The following C6 variants were observed in gnomAD, a reference collection of about 807,000 sequenced individuals.
C6 encodes complement C6.
In C6, 101 loss-of-function variants were observed where a neutral mutation model predicts 112.9. That is an observed-to-expected ratio of 0.89 (90% CI 0.76 to 1.06). The LOEUF (loss-of-function observed/expected upper bound fraction) is 1.06. Among genes scored for constraint, C6 ranks in the 50% least tolerant of loss-of-function variants. The probability of loss-of-function intolerance (pLI) is 0.00; values close to 1 mark genes in which losing one functional copy is unlikely to be tolerated. For synonymous variants in C6, 431 were observed against 384.1 expected (o/e 1.12, Z -1.43); for missense variants, 1,202 against 1,104.6 (o/e 1.09, Z -1.25).
chr5:41,255,202 A>C (rs2150442676), intron 1 of C6, among the ~76,000 whole-genome samples: 1 of 152,160 alleles, frequency 6.6e-6, no homozygotes, highest in South Asian at 2.1e-4. Flanking sequence ...CTCTACTAAA[A>C]ATACAAAAAT....
At chr5:41,214,484 A>G (rs1428927958), upstream of C6, among the ~76,000 whole-genome samples, 1 of 152,114 alleles carries the variant, frequency 6.6e-6, no homozygotes, top group Admixed American at 6.6e-5. Flanking sequence ...AATACAGATG[A>G]TCTGATTTCC....
In C6 at chr5:41,191,387, G is replaced by A. The variant is rs191006342; in HGVS notation, c.587+4405C>T. Among the ~76,000 whole-genome samples, 123 of 152,122 alleles carry A rather than the reference G, an allele frequency of 8.1e-4. 1 individual carries two copies. Among genetic ancestry groups the A allele is most frequent in the Admixed American group, 1.8e-3 (28 of 15,286 alleles). The stretch of plus-strand genomic sequence containing the variant: ...TGTTCTTTTTGCTCAAGATTGCTTT[G>A]GCTATTAAGGTTTTTTGTGGTTCCA... On this transcript the variant is annotated intron_variant, in intron 5 of 17. Transcript: ENST00000337836.
intron 5 of C6, among the ~76,000 whole-genome samples, chr5:41,192,283 G>C (rs995325612): frequency 1.3e-5 from 2 of 152,068 alleles, no homozygotes; most frequent in Non-Finnish European, 2.9e-5. Flanking sequence ...CTGGGGTTCT[G>C]TTTGCTAGTA....
At position 41,142,959 on chromosome 5, in the gene C6, C is replaced by T. The variant is rs377130163; in HGVS notation, c.2671G>A (p.Gly891Ser). 6.2e-7 allele frequency: 1 copy of T among 1,613,492 alleles called. No homozygotes were observed. The highest frequency in any genetic ancestry group is 8.5e-7 in the Non-Finnish European group (1 of 1,179,754). Residue 891 changes from glycine to serine, a missense_variant, in exon 18 of 18, where the codon GGT becomes AGT. Transcript: ENST00000337836. ...TTGACACAGTAGAGTTGGTTTCCACCCTTGAAGCACTGTGGGGGCAATAGG... is the reference window on the plus strand; with the variant it reads ...TTGACACAGTAGAGTTGGTTTCCACTCTTGAAGCACTGTGGGGGCAATAGG... Reference protein sequence around the residue: ...VCLLPPQCFKGGNQLYCVKMG... With the variant: ...VCLLPPQCFKSGNQLYCVKMG...
At chr5:41,201,478 T>G (rs775430340) in intron 3 of C6, 80 bp downstream of exon 3, 52 of 1,302,766 alleles carry the variant, frequency 4.0e-5, no homozygotes, top group Non-Finnish European at 5.8e-5. Context: ...AATTCAGCAT[T>G]ACTATGCTGT....
chr5:41,223,689 C>T (rs1739313915), intron 1 of C6, among the ~76,000 whole-genome samples: 1 of 152,128 alleles, frequency 6.6e-6, no homozygotes. Context: ...AGGAAATTCA[C>T]AGTTTATTTA....
intron 1 of C6, among the ~76,000 whole-genome samples, chr5:41,231,554 T>C (rs1024333605): frequency 6.6e-6 from 1 of 152,168 alleles, no homozygotes; most frequent in Non-Finnish European, 1.5e-5. Context: ...TAAGCTAATA[T>C]GCTGTTACAA....
chr5:41,203,513 A>C, intron 1 of C6: 2 of 424,080 alleles, frequency 4.7e-6, no homozygotes, highest in East Asian at 1.0e-4. Flanking sequence ...TACAAGACAA[A>C]GTATGTAGCA....
chr5:41,196,447 GA>G (rs920316335), intron 4 of C6, among the ~76,000 whole-genome samples: 1 of 151,970 alleles, frequency 6.6e-6, no homozygotes, highest in African/African-American at 2.4e-5. Context: ...CAGGGAGAAG[GA>G]GGGGGAATTA....
intron 4 of C6, among the ~76,000 whole-genome samples, chr5:41,196,199 G>A (rs1313092132): frequency 2.0e-5 from 3 of 151,818 alleles, no homozygotes; most frequent in Admixed American, 2.0e-4. Flanking sequence ...TCCCATTACA[G>A]TGAGCCGCTA....
At chr5:41,173,637 G>A (rs1748609502) in intron 8 of C6, among the ~76,000 whole-genome samples, 1 of 152,068 alleles carries the variant, frequency 6.6e-6, no homozygotes, top group Admixed American at 6.6e-5. Flanking sequence ...TAGTATTTGG[G>A]GTTGCAGGTC....
chr5:41,232,912 G>A (rs1190648373), intron 1 of C6, among the ~76,000 whole-genome samples: 2 of 151,928 alleles, frequency 1.3e-5, no homozygotes, highest in African/African-American at 2.4e-5. Flanking sequence ...CAAGGACCAT[G>A]TCTACTCTTT....
At chr5:41,258,870 A>T (rs1031659638) in intron 1 of C6, among the ~76,000 whole-genome samples, 1 of 152,110 alleles carries the variant, frequency 6.6e-6, no homozygotes, top group Non-Finnish European at 1.5e-5. Context: ...ATCTCATGAG[A>T]TTCACTTATT....
intron 17 of C6, among the ~76,000 whole-genome samples, chr5:41,147,124 C>T (rs74596958): frequency 2.6e-4 from 40 of 152,208 alleles, no homozygotes; most frequent in Non-Finnish European, 5.1e-4. Context: ...TCTTATACTA[C>T]ATTTCTCAGA....
chr5:41,176,704 A>G lies in C6; in HGVS notation c.939T>C (p.Phe313=), dbSNP rs767407151. 5.6e-6 allele frequency: 9 copies of G among 1,610,790 alleles called. No homozygotes were observed. Among genetic ancestry groups the G allele is most frequent in the Non-Finnish European group, 7.6e-6 (9 of 1,177,686 alleles). Residue 313 remains phenylalanine, a synonymous_variant, in exon 8 of 18, where the codon TTT becomes TTC. Transcript: ENST00000337836. ...CTTTCATCACTTTATGGATCCTAATAAAACTAGAATCCTAAATGGAAGAAA... is the reference window on the plus strand; with the variant it reads ...CTTTCATCACTTTATGGATCCTAATGAAACTAGAATCCTAAATGGAAGAAA... ...IQASHKKDSS[F]IRIHKVMKVL... is the part of the protein sequence containing the mutation.
intron 1 of C6, among the ~76,000 whole-genome samples, chr5:41,249,542 C>G (rs1741219127): frequency 1.3e-5 from 2 of 152,104 alleles, no homozygotes; most frequent in African/African-American, 4.8e-5. Flanking sequence ...TTTCTTTCAT[C>G]CATAATCTTT....
At chr5:41,164,333 G>A (rs962048801) in intron 9 of C6, among the ~76,000 whole-genome samples, 1 of 152,158 alleles carries the variant, frequency 6.6e-6, no homozygotes, top group Admixed American at 6.5e-5. Flanking sequence ...GACCTATTAG[G>A]GAGATCATGG....
chr5:41,199,843 A>C lies in C6; in HGVS notation c.370T>G (p.Phe124Val), dbSNP rs760503781. The C allele has an allele frequency of 6.2e-7, 1 of 1,613,640 alleles. No homozygotes were observed. Among genetic ancestry groups the C allele is most frequent in the South Asian group, 1.1e-5 (1 of 91,084 alleles). ...GQPCTAPLVA[F>V]QPCIPSKLCK... Reference sequence around the variant, plus strand: ...AGCTTAGATGGAATGCATGGTTGAAAGGCTACCAGAGGCGCAGTGCATGGC... The same window carrying C: ...AGCTTAGATGGAATGCATGGTTGAACGGCTACCAGAGGCGCAGTGCATGGC... Residue 124 changes from phenylalanine to valine, a missense_variant, in exon 4 of 18, where the codon TTT becomes GTT. By Grantham distance (50) the Phe-to-Val change is conservative. Coordinates refer to ENST00000337836, the MANE Select transcript of C6 (RefSeq NM_000065.5).
At chr5:41,221,242 A>G (rs1739148875) in intron 1 of C6, among the ~76,000 whole-genome samples, 1 of 152,082 alleles carries the variant, frequency 6.6e-6, no homozygotes, top group African/African-American at 2.4e-5. Context: ...TTTATGCTAT[A>G]GTTTTCATGA....
Sources: allele counts gnomAD v4.1 joint callset (sites outside exome capture counted in the v4.1 genomes callset), GRCh38; gene constraint gnomAD v4.1.1; transcripts MANE v1.5; gene names NCBI Gene and HGNC (gene_info 2026-07-23, HGNC 2026-07-21).